Variants in NAV2 observed in about 807,000 individuals in gnomAD.
NAV2 encodes helicase, APC down-regulated 1.
NAV2 carries 54 observed loss-of-function variants against 223.2 expected under a neutral mutation model. The ratio of observed to expected loss-of-function variants is 0.24; its 90% confidence interval spans 0.19 to 0.30. The LOEUF (loss-of-function observed/expected upper bound fraction) is 0.30, where lower values mean the gene tolerates loss of function less well. Ranked by LOEUF, NAV2 falls within the 10% of genes least tolerant of loss-of-function variation. The pLI is 1.00. For synonymous variants in NAV2, 1,279 were observed against 1,239.3 expected, an observed-to-expected ratio of 1.03 and a Z score of -0.67; for missense variants, 2,806 against 3,147.5, an observed-to-expected ratio of 0.89 and a Z score of 2.60.
intron 6 of NAV2, among the ~76,000 whole-genome samples, chr11:19,912,608 C>T (rs771837503): frequency 4.6e-5 from 7 of 152,108 alleles, no homozygotes; most frequent in Non-Finnish European, 1.0e-4. Flanking sequence ...TCATGAAGAC[C>T]GTCCTTTAGT....
intron 1 of NAV2, among the ~76,000 whole-genome samples, chr11:19,637,312 C>G (rs1241153487): frequency 1.3e-5 from 2 of 152,322 alleles, no homozygotes; most frequent in South Asian, 2.1e-4. Context: ...GGCCTCTGTT[C>G]TCTGTATTCC....
In NAV2 at chr11:19,551,018, T is replaced by A. The variant is rs560365242; in HGVS notation, c.75+199991T>A. 2.9e-4 allele frequency among the ~76,000 whole-genome samples: 44 copies of A among 152,392 alleles called. 2 individuals are homozygous for A. The South Asian group carries it at 8.9e-3, about 31-fold the overall frequency. On this transcript the variant is annotated intron_variant, in intron 1 of 37. Transcript: ENST00000360655. Reference sequence around the variant, plus strand: ...CTCTGATGGGCTACTCTCAGCACACTGCCTATGCAGTAGCCCTGCTCTGCA... The same window carrying A: ...CTCTGATGGGCTACTCTCAGCACACAGCCTATGCAGTAGCCCTGCTCTGCA...
At chr11:19,828,332 C>A (rs1197592839) in intron 1 of NAV2, among the ~76,000 whole-genome samples, 1 of 144,174 alleles carries the variant, frequency 6.9e-6, no homozygotes, top group African/African-American at 2.6e-5. Context: ...AACTCTGTAC[C>A]CATAAAACTT....
intron 6 of NAV2, among the ~76,000 whole-genome samples, chr11:19,929,447 G>A (rs2045113994): frequency 6.6e-6 from 1 of 152,098 alleles, no homozygotes; most frequent in African/African-American, 2.4e-5. Flanking sequence ...GTAGAATGTT[G>A]ATGACCTGGT....
intron 1 of NAV2, among the ~76,000 whole-genome samples, chr11:19,621,124 A>G (rs1182514887): frequency 2.6e-5 from 4 of 152,152 alleles, no homozygotes; most frequent in African/African-American, 4.8e-5. Flanking sequence ...CTTGATCATG[A>G]TGGATAAGCT....
chr11:19,831,263 C>T (rs1235277486), intron 1 of NAV2, among the ~76,000 whole-genome samples: 3 of 124,042 alleles, frequency 2.4e-5, no homozygotes, highest in African/African-American at 3.3e-5. Context: ...GGGGGGATGA[C>T]CATTGTGTGG....
chr11:19,791,324 C>T (rs1047562918), intron 1 of NAV2, among the ~76,000 whole-genome samples: 9 of 152,268 alleles, frequency 5.9e-5, no homozygotes, highest in African/African-American at 1.9e-4. Context: ...CATCTTTGAG[C>T]TCCTCCCCTT....
chr11:19,666,836 A>T (rs759047562), intron 1 of NAV2, among the ~76,000 whole-genome samples: 1 of 152,170 alleles, frequency 6.6e-6, no homozygotes, highest in Non-Finnish European at 1.5e-5. Context: ...TTAAAAATGC[A>T]GGTGTTTAGG....
intron 4 of NAV2, among the ~76,000 whole-genome samples, chr11:19,876,721 G>C (rs1294741975): frequency 1.3e-5 from 2 of 151,956 alleles, no homozygotes; most frequent in Non-Finnish European, 2.9e-5. Flanking sequence ...GAGCTGATGT[G>C]AACGTGCCTA....
chr11:20,001,049 C>T (rs1037806421), intron 11 of NAV2, among the ~76,000 whole-genome samples: 9 of 152,142 alleles, frequency 5.9e-5, no homozygotes, highest in African/African-American at 1.9e-4. Context: ...CAGAGATGAC[C>T]CTCCAGCCTT....
chr11:19,917,305 C>G (rs1378771181), intron 6 of NAV2, among the ~76,000 whole-genome samples: 1 of 152,154 alleles, frequency 6.6e-6, no homozygotes, highest in Non-Finnish European at 1.5e-5. Context: ...TCACAGCAAG[C>G]ATTTCATATT....
chr11:20,038,535 C>T (rs147886161), intron 12 of NAV2, among the ~76,000 whole-genome samples: 5 of 152,344 alleles, frequency 3.3e-5, no homozygotes, highest in East Asian at 3.9e-4. Context: ...GCATAATTCA[C>T]AGGCTCCCAT....
At chr11:19,655,305 T>G (rs963024764) in intron 1 of NAV2, among the ~76,000 whole-genome samples, 1 of 152,210 alleles carries the variant, frequency 6.6e-6, no homozygotes, top group Non-Finnish European at 1.5e-5. Context: ...GACTGTAAAC[T>G]AGTTCAACCA....
chr11:19,419,534 T>C (rs1850523314), intron 1 of NAV2, among the ~76,000 whole-genome samples: 1 of 152,172 alleles, frequency 6.6e-6, no homozygotes, highest in Non-Finnish European at 1.5e-5. Flanking sequence ...CAGGTGGGGC[T>C]TCGAGACCCG....
At position 19,984,893 on chromosome 11, in the gene NAV2, C is replaced by T. The variant is rs1202119716; in HGVS notation, c.2768+646C>T. On this transcript the variant is annotated intron_variant, in intron 11 of 37. Transcript: ENST00000349880. ...AAACTGATTCTATGACCCTGAGCAA[C>T]CGATGAAGTGAGGAGTTTGGACTAT... is the stretch of plus-strand genomic sequence containing the variant. 4.6e-5 allele frequency among the ~76,000 whole-genome samples: 7 copies of T among 152,310 alleles called. No homozygotes were observed. In the East Asian group the frequency reaches 1.2e-3, roughly 25 times the overall value.
chr11:20,116,546 T>C (rs2063107696), intron 37 of NAV2, among the ~76,000 whole-genome samples: 1 of 152,222 alleles, frequency 6.6e-6, no homozygotes, highest in Admixed American at 6.5e-5. Context: ...TTAACTTACA[T>C]AGAAAATAGA....
chr11:19,928,404 C>T (rs1358983975), intron 6 of NAV2, among the ~76,000 whole-genome samples: 1 of 152,184 alleles, frequency 6.6e-6, no homozygotes, highest in Non-Finnish European at 1.5e-5. Context: ...TTCAGTGGCC[C>T]ACATATCATC....
chr11:19,450,040 C>G (rs1851737584), intron 1 of NAV2, among the ~76,000 whole-genome samples: 1 of 152,170 alleles, frequency 6.6e-6, no homozygotes, highest in Admixed American at 6.5e-5. Context: ...ACTGGGACCT[C>G]ATTTTAAAAA....
intron 1 of NAV2, among the ~76,000 whole-genome samples, chr11:19,603,679 A>T (rs551796797): frequency 9.1e-4 from 138 of 152,034 alleles, no homozygotes; most frequent in African/African-American, 3.1e-3. Context: ...AGCAAAAGAG[A>T]AAAGGGACTG....
Sources: allele counts gnomAD v4.1 joint callset (sites outside exome capture counted in the v4.1 genomes callset), GRCh38; gene constraint gnomAD v4.1.1; transcripts MANE v1.5; gene names NCBI Gene and HGNC (gene_info 2026-07-23, HGNC 2026-07-21).